Variants in ERCC6L2 observed in about 807,000 individuals in gnomAD.
ERCC6L2 encodes the protein DNA excision repair protein ERCC-6-like 2.
Under a neutral mutation model 132.0 loss-of-function variants are expected in ERCC6L2, and 77 were observed. The ratio of observed to expected loss-of-function variants is 0.58; its 90% CI spans 0.49 to 0.71. The LOEUF (loss-of-function observed/expected upper bound fraction) is 0.71, where lower values mean the gene tolerates loss of function less well. Ranked by LOEUF, ERCC6L2 falls within the 30% of genes least tolerant of loss-of-function variation. ERCC6L2 has a pLI of 0.00. For synonymous variants in ERCC6L2, 583 were observed against 632.4 expected (o/e 0.92, Z 1.17); for missense variants, 1,542 against 1,837.6 (o/e 0.84, Z 2.94).
In ERCC6L2 at chr9:95,972,658, T is replaced by G. The variant is rs1454398641; in HGVS notation, c.2907T>G (p.Ser969=). ...GTCCTGAGAACACAACCCTGAAATC[T>G]ATTTTGAAAAGAAAAGGCACCAGTG... ...KLSPENTTLK[S]ILKRKGTSDI... Residue 969 remains serine, a synonymous_variant, in exon 16 of 19, where the codon TCT becomes TCG. Coordinates refer to ENST00000653738, the MANE Select transcript of ERCC6L2 (RefSeq NM_020207.7). 1 of 1,296,800 alleles carries G rather than the reference T, an allele frequency of 7.7e-7. No individual in the cohort carries two copies. Among genetic ancestry groups the G allele is most frequent in the South Asian group, 1.2e-5 (1 of 80,940 alleles). 80.3% of individuals were successfully genotyped at this position (1,296,800 alleles called of 1,614,324 possible). A position where few individuals can be genotyped will look rare whatever the true frequency, so the allele number is the denominator to read the frequency against.
intron 2 of ERCC6L2, among the ~76,000 whole-genome samples, chr9:95,888,586 G>C (rs1393752686): frequency 6.6e-6 from 1 of 152,002 alleles, no homozygotes; most frequent in African/African-American, 2.4e-5. Context: ...TTAATATTTT[G>C]ATAGACCTCT....
rs371719320 is a variant in ERCC6L2 at position 96,040,216 on chromosome 9, G to A, written c.*1755+1089G>A. Reference sequence around the variant, plus strand: ...TGGGGACCTCCCAGCTGTGATGGCCGCCAGCCTCTGCACTCTTCCTGCTCA... The same window carrying A: ...TGGGGACCTCCCAGCTGTGATGGCCACCAGCCTCTGCACTCTTCCTGCTCA... On this transcript the variant is annotated intron_variant and NMD_transcript_variant, in intron 20 of 20. Coordinates refer to the ERCC6L2 transcript ENST00000670016. Among the ~76,000 whole-genome samples, 11 of 148,934 alleles carry A rather than the reference G, an allele frequency of 7.4e-5. No individual in the cohort carries two copies. In the South Asian group the frequency reaches 1.3e-3, roughly 17 times the overall value.
At chr9:95,932,205 A>G (rs1242876048) in intron 11 of ERCC6L2, among the ~76,000 whole-genome samples, 2 of 151,874 alleles carry the variant, frequency 1.3e-5, no homozygotes, top group Non-Finnish European at 2.9e-5. Context: ...AGCTGGGACT[A>G]CAGGCCTGTG....
chr9:95,932,316 G>A (rs531102652), intron 11 of ERCC6L2, among the ~76,000 whole-genome samples: 24 of 151,984 alleles, frequency 1.6e-4, no homozygotes, highest in Non-Finnish European at 3.2e-4. Flanking sequence ...TACCTGCCTC[G>A]CCCTCCCACA....
intron 4 of ERCC6L2, among the ~76,000 whole-genome samples, chr9:95,907,691 T>G (rs958143343): frequency 2.6e-5 from 4 of 152,072 alleles, no homozygotes; most frequent in African/African-American, 9.7e-5. Flanking sequence ...AAACACTGAT[T>G]GTTAAAGAAT....
downstream of ERCC6L2, chr9:96,020,875 G>T (rs1834274719): frequency 2.2e-6 from 1 of 456,612 alleles, no homozygotes; most frequent in Non-Finnish European, 4.4e-6. Flanking sequence ...TGGTGCGGAG[G>T]TTCCTGGTTT....
intron 17 of ERCC6L2, among the ~76,000 whole-genome samples, chr9:95,999,043 GCTATTGAGCCCATGT>G (rs1166088589): frequency 6.6e-6 from 1 of 152,118 alleles, no homozygotes; most frequent in African/African-American, 2.4e-5. Flanking sequence ...ATAAAAGATA[GCTATTGAGCCCATGT>G]TAAATAAGAA....
intron 12 of ERCC6L2, among the ~76,000 whole-genome samples, chr9:95,947,942 T>A (rs998213464): frequency 9.9e-5 from 15 of 152,244 alleles, no homozygotes; most frequent in African/African-American, 2.9e-4. Flanking sequence ...GTCACCCAAG[T>A]GTTCTGATGG....
intron 19 of ERCC6L2, among the ~76,000 whole-genome samples, chr9:96,032,125 G>A (rs553516346): frequency 7.8e-4 from 118 of 152,080 alleles, no homozygotes; most frequent in African/African-American, 2.7e-3. Context: ...GGGTATCCCC[G>A]GCCCCGCCAC....
In ERCC6L2 at chr9:95,880,985, T is replaced by G. The variant is rs141719745; in HGVS notation, c.163T>G (p.Leu55Val). 427 of 1,614,048 alleles carry G rather than the reference T, an allele frequency of 2.6e-4. 1 individual carries two copies. In the African/African-American group the frequency reaches 4.9e-3, roughly 18 times the overall value. ...DENGKSFAVV[L>V]YADFQERKIP... is the part of the protein sequence containing the mutation. ...AAATGGCAAGTCATTTGCAGTCGTC[T>G]TATATGCAGATTTTCAAGAAAGGAA... Residue 55 changes from leucine (L) to valine (V), a missense_variant, in exon 2 of 19, where the codon TTA becomes GTA. Physicochemically the swap from Leu to Val is conservative, Grantham distance 32 (BLOSUM62 1). Transcript: ENST00000653738.
intron 19 of ERCC6L2, among the ~76,000 whole-genome samples, chr9:96,036,601 C>T (rs1304044338): frequency 3.9e-5 from 6 of 152,094 alleles, no homozygotes; most frequent in South Asian, 2.1e-4. Flanking sequence ...CTGTTCTCCA[C>T]GGAGGCTGCA....
chr9:95,887,316 A>C (rs1827924302), intron 2 of ERCC6L2, among the ~76,000 whole-genome samples: 2 of 152,100 alleles, frequency 1.3e-5, no homozygotes, highest in African/African-American at 2.4e-5. Flanking sequence ...AGTTTTAATG[A>C]ATTTTATTTT....
chr9:96,027,499 G>T (rs919764928), intron 19 of ERCC6L2, among the ~76,000 whole-genome samples: 1 of 152,170 alleles, frequency 6.6e-6, no homozygotes, highest in South Asian at 2.1e-4. Flanking sequence ...CGCCCTGGGA[G>T]AAGGCGGCCC....
chr9:95,955,981 G>A lies in ERCC6L2; in HGVS notation c.1915G>A (p.Glu639Lys). Residue 639 changes from glutamate (E) to lysine (K), a missense_variant, in exon 13 of 19, where the codon GAA becomes AAA. Physicochemically the swap from Glu to Lys is moderately conservative, Grantham distance 56. Transcript: ENST00000653738. ...LRLISLGTVE[E>K]IMYLRQIYKQ... The stretch of plus-strand genomic sequence containing the variant: ...GCTGATATCCTTGGGAACTGTGGAG[G>A]AAATCATGTATTTACGACAGATATA... 6.2e-7 allele frequency: 1 copy of A among 1,607,450 alleles called. No individual in the cohort carries two copies. Among genetic ancestry groups the A allele is most frequent in the Non-Finnish European group, 8.5e-7 (1 of 1,176,294 alleles).
At chr9:95,915,322 A>C (rs2132703579) in intron 4 of ERCC6L2, among the ~76,000 whole-genome samples, 1 of 152,308 alleles carries the variant, frequency 6.6e-6, no homozygotes, top group African/African-American at 2.4e-5. Flanking sequence ...CATTCAGAAA[A>C]ATATTGCAAT....
At chr9:95,983,025 G>A (rs1216520809) in intron 17 of ERCC6L2, among the ~76,000 whole-genome samples, 2 of 152,086 alleles carry the variant, frequency 1.3e-5, no homozygotes, top group Admixed American at 6.6e-5. Context: ...TTGCAAGAAA[G>A]GCATTGAAAT....
At chr9:95,966,792 G>T in intron 14 of ERCC6L2, 78 bp downstream of exon 14, 1 of 1,208,440 alleles carries the variant, frequency 8.3e-7, no homozygotes, top group Admixed American at 3.1e-5. Context: ...AAATACAATT[G>T]CTGTTGCCTT....
At chr9:95,878,664 A>T (rs1338677005) in intron 1 of ERCC6L2, among the ~76,000 whole-genome samples, 2 of 57,968 alleles carry the variant, frequency 3.5e-5, no homozygotes, top group African/African-American at 1.3e-4. Context: ...CCTTCCCCCC[A>T]CCCCACAACA....
At chr9:95,971,297 G>C (rs1223165036) in intron 15 of ERCC6L2, among the ~76,000 whole-genome samples, 3 of 152,042 alleles carry the variant, frequency 2.0e-5, no homozygotes, top group East Asian at 1.9e-4. Context: ...ATTGGCAAAA[G>C]TATTATCAGA....
Sources: gnomAD v4.1 joint callset for allele counts (sites outside exome capture counted in the v4.1 genomes callset) on GRCh38, gnomAD v4.1.1 for gene constraint, MANE v1.5 for transcripts, NCBI Gene and HGNC (gene_info 2026-07-23, HGNC 2026-07-21) for gene names.